CSMD1: variants seen among roughly 807,000 people sequenced by gnomAD.
The protein encoded by CSMD1 is CUB and sushi domain-containing protein 1.
Under a neutral mutation model 417.5 loss-of-function variants are expected in CSMD1, and 213 were observed. That is an observed-to-expected ratio of 0.51 (90% confidence interval 0.46 to 0.57). The LOEUF is 0.57. CSMD1 is among the 20% of genes least tolerant of loss of function. The probability of loss-of-function intolerance (pLI) is 0.00; values close to 1 mark genes in which losing one functional copy is unlikely to be tolerated. For missense variants in CSMD1, 6,923 were observed against 4,529.7 expected (o/e 1.53, Z -15.17); for synonymous variants, 2,862 against 1,736.8 (o/e 1.65, Z -16.11).
intron 2 of CSMD1, among the ~76,000 whole-genome samples, chr8:4,526,676 T>C (rs938207334): frequency 1.3e-5 from 2 of 152,212 alleles, no homozygotes; most frequent in African/African-American, 4.8e-5. Context: ...CTAGAAGTAT[T>C]AGAAAACCAG....
intron 17 of CSMD1, among the ~76,000 whole-genome samples, chr8:3,391,123 G>C (rs1013841774): frequency 2.0e-5 from 3 of 152,004 alleles, no homozygotes; most frequent in African/African-American, 7.3e-5. Flanking sequence ...ATTACATCCC[G>C]ACCACTCTCC....
intron 12 of CSMD1, among the ~76,000 whole-genome samples, chr8:3,439,979 T>C (rs1374814148): frequency 2.6e-5 from 4 of 152,198 alleles, no homozygotes; most frequent in African/African-American, 9.6e-5. Context: ...TGTGGGTTTA[T>C]TCCTGGGCTT....
intron 3 of CSMD1, among the ~76,000 whole-genome samples, chr8:4,226,475 G>A (rs567624129): frequency 6.6e-5 from 10 of 152,228 alleles, no homozygotes; most frequent in African/African-American, 2.4e-4. Context: ...TTGCAATTTA[G>A]AAATTTTACA....
rs58237527 is a variant in CSMD1 at position 3,843,232 on chromosome 8, C to T, written c.819-89190G>A. 2.0e-3 allele frequency among the ~76,000 whole-genome samples: 312 copies of T among 152,214 alleles called. 1 individual carries two copies. Among genetic ancestry groups the T allele is most frequent in the African/African-American group, 7.3e-3 (304 of 41,536 alleles). Reference sequence around the variant, plus strand: ...CTTTCCCATTTTTTTGTAATTAACACAAAATCATCTGCTGATAAACTACTC... The same window carrying T: ...CTTTCCCATTTTTTTGTAATTAACATAAAATCATCTGCTGATAAACTACTC... On this transcript the variant is annotated intron_variant, in intron 5 of 69. Transcript: ENST00000635120.
At chr8:3,568,235 C>G (rs1799798597) in intron 10 of CSMD1, among the ~76,000 whole-genome samples, 1 of 152,084 alleles carries the variant, frequency 6.6e-6, no homozygotes, top group Non-Finnish European at 1.5e-5. Flanking sequence ...GTATTTATTT[C>G]CCTAATCAAA....
At chr8:3,314,682 G>A (rs1045162540) in intron 23 of CSMD1, among the ~76,000 whole-genome samples, 6 of 152,192 alleles carry the variant, frequency 3.9e-5, no homozygotes, top group South Asian at 2.1e-4. Flanking sequence ...TTCAGCTGAT[G>A]AAAATTACTT....
At position 2,987,401 on chromosome 8, in the gene CSMD1, ATTTC is replaced by A. The variant is rs1041157041; in HGVS notation, c.8378-8605_8378-8602del. Among the ~76,000 whole-genome samples the A allele has an allele frequency of 2.0e-5, 3 of 148,540 alleles. 1 individual carries two copies. In the Admixed American group the frequency reaches 2.0e-4, roughly 10 times the overall value. On this transcript the variant is annotated intron_variant, in intron 54 of 69. Transcript: ENST00000635120. Reference sequence around the variant, plus strand: ...ATATAAGTATATAAGAAACAGAAATATTTCTTTCTATATAATATATACATAAATA... The same window carrying A: ...ATATAAGTATATAAGAAACAGAAATATTTCTATATAATATATACATAAATA...
chr8:4,920,447 G>A (rs1428708670), intron 1 of CSMD1, among the ~76,000 whole-genome samples: 1 of 152,126 alleles, frequency 6.6e-6, no homozygotes, highest in Admixed American at 6.5e-5. Flanking sequence ...CATTAGTTTT[G>A]AAAACAAAAG....
intron 10 of CSMD1, among the ~76,000 whole-genome samples, chr8:3,536,602 G>C (rs373149054): frequency 5.3e-5 from 8 of 152,206 alleles, no homozygotes; most frequent in African/African-American, 1.7e-4. Context: ...ATCATGAATA[G>C]TGTGAACAGA....
intron 5 of CSMD1, among the ~76,000 whole-genome samples, chr8:3,943,688 G>A (rs1286751727): frequency 1.3e-5 from 2 of 152,098 alleles, no homozygotes; most frequent in Admixed American, 1.3e-4. Context: ...ATAATGAACT[G>A]AAGACACAAT....
chr8:3,752,589 G>T (rs893687439), intron 6 of CSMD1, among the ~76,000 whole-genome samples: 1 of 148,312 alleles, frequency 6.7e-6, no homozygotes, highest in Non-Finnish European at 1.5e-5. Flanking sequence ...AGGAGGTGGA[G>T]GTTGCAGTGA....
chr8:3,275,080 C>A (rs575102997), intron 26 of CSMD1, among the ~76,000 whole-genome samples: 7 of 152,284 alleles, frequency 4.6e-5, no homozygotes, highest in Non-Finnish European at 8.8e-5. Flanking sequence ...TTGTTCCTTT[C>A]CATGTTTAGC....
intron 1 of CSMD1, among the ~76,000 whole-genome samples, chr8:4,847,800 C>T (rs1238306828): frequency 1.4e-5 from 2 of 146,938 alleles, no homozygotes; most frequent in East Asian, 2.0e-4. Context: ...TTTTTGACGG[C>T]TTGAGATATA....
chr8:4,525,135 C>G (rs1796450161), intron 2 of CSMD1, among the ~76,000 whole-genome samples: 1 of 152,200 alleles, frequency 6.6e-6, no homozygotes, highest in African/African-American at 2.4e-5. Context: ...TCAATCTACT[C>G]CAACATTATT....
intron 3 of CSMD1, among the ~76,000 whole-genome samples, chr8:4,162,808 G>T (rs1054057765): frequency 6.6e-6 from 1 of 152,124 alleles, no homozygotes; most frequent in Non-Finnish European, 1.5e-5. Context: ...TACATGCTAT[G>T]GGTGTGGATA....
At chr8:3,417,992 G>T (rs1813264038) in intron 12 of CSMD1, among the ~76,000 whole-genome samples, 1 of 152,168 alleles carries the variant, frequency 6.6e-6, no homozygotes, top group Admixed American at 6.5e-5. Flanking sequence ...CATAAGCCCA[G>T]AAAGTAGCGG....
intron 1 of CSMD1, among the ~76,000 whole-genome samples, chr8:4,911,853 T>G (rs1805695190): frequency 6.6e-6 from 1 of 151,996 alleles, no homozygotes; most frequent in African/African-American, 2.4e-5. Context: ...TCCAAATAAA[T>G]TTGACAATTC....
At chr8:4,885,091 G>A (rs930940451) in intron 1 of CSMD1, among the ~76,000 whole-genome samples, 2 of 152,004 alleles carry the variant, frequency 1.3e-5, no homozygotes, top group African/African-American at 4.8e-5. Context: ...TCTTTTAGAA[G>A]CTACTGTAAA....
intron 3 of CSMD1, among the ~76,000 whole-genome samples, chr8:4,312,468 T>A (rs1240214099): frequency 1.4e-5 from 2 of 138,716 alleles, no homozygotes; most frequent in African/African-American, 5.8e-5. Context: ...TATGCGCGTA[T>A]ATATATATAT....
Sources: allele counts gnomAD v4.1 joint callset (sites outside exome capture counted in the v4.1 genomes callset), GRCh38; gene constraint gnomAD v4.1.1; transcripts MANE v1.5; gene names NCBI Gene and HGNC (gene_info 2026-07-23, HGNC 2026-07-21).